Variants in ARID5B observed in about 807,000 individuals in gnomAD.
ARID5B encodes AT-rich interactive domain-containing protein 5B.
In ARID5B, 13 loss-of-function variants were observed where a neutral mutation model predicts 97.2. The observed-to-expected ratio is 0.13, with a 90% confidence interval of 0.09 to 0.21. The LOEUF is 0.21. ARID5B is among the 10% of genes least tolerant of loss of function. The pLI, the probability that ARID5B is intolerant of heterozygous loss-of-function variation, is 1.00. For synonymous variants in ARID5B, 556 were observed against 570.3 expected, an observed-to-expected ratio of 0.97 and a Z score of 0.36; for missense variants, 1,210 against 1,465.3, an observed-to-expected ratio of 0.83 and a Z score of 2.84.
intron 2 of ARID5B, among the ~76,000 whole-genome samples, chr10:61,926,800 A>G (rs557412030): frequency 6.6e-6 from 1 of 151,800 alleles, no homozygotes; most frequent in Non-Finnish European, 1.5e-5. Flanking sequence ...TGTATTTTGT[A>G]TTTTTAATAG....
intron 3 of ARID5B, among the ~76,000 whole-genome samples, chr10:61,995,056 G>T (rs780057865): frequency 3.3e-5 from 5 of 152,126 alleles, no homozygotes; most frequent in Non-Finnish European, 7.3e-5. Flanking sequence ...ATCATTTTCT[G>T]TTGACTGAAG....
At chr10:61,948,073 G>A (rs1838264945) in intron 3 of ARID5B, among the ~76,000 whole-genome samples, 1 of 152,198 alleles carries the variant, frequency 6.6e-6, no homozygotes, top group South Asian at 2.1e-4. Flanking sequence ...TCCATTTGGA[G>A]ATGTCAGGGC....
In ARID5B at chr10:62,036,714, G is replaced by A. The variant is rs144855646; in HGVS notation, c.734-14174G>A. 4.1e-3 allele frequency among the ~76,000 whole-genome samples: 622 copies of A among 152,264 alleles called. 5 individuals are homozygous for A. The highest frequency in any genetic ancestry group is 0.014 in the African/African-American group (598 of 41,546). The stretch of plus-strand genomic sequence containing the variant: ...CTCACCCTGCAGAGACCCAAATGGA[G>A]GTATTCAGGGCCCATTGAAAAACCA... On this transcript the variant is annotated intron_variant, in intron 4 of 9. Transcript: ENST00000279873.
chr10:62,066,493 G>C (rs561547159), intron 7 of ARID5B, among the ~76,000 whole-genome samples: 7 of 151,880 alleles, frequency 4.6e-5, no homozygotes, highest in Non-Finnish European at 1.5e-5. Flanking sequence ...CGAAGGGCCA[G>C]ACCTGTCTTC....
chr10:62,008,642 G>T (rs1039568818), intron 4 of ARID5B, among the ~76,000 whole-genome samples: 1 of 152,186 alleles, frequency 6.6e-6, no homozygotes, highest in Non-Finnish European at 1.5e-5. Context: ...CCTTGCCTCA[G>T]CCCTTGCTGT....
At chr10:62,010,170 A>G (rs953714042) in intron 4 of ARID5B, among the ~76,000 whole-genome samples, 1 of 152,204 alleles carries the variant, frequency 6.6e-6, no homozygotes, top group African/African-American at 2.4e-5. Context: ...CCTTGGGCCT[A>G]TGAGAAAGAA....
intron 4 of ARID5B, among the ~76,000 whole-genome samples, chr10:62,001,814 CTGTT>C (rs1052323267): frequency 6.6e-6 from 1 of 152,164 alleles, no homozygotes; most frequent in African/African-American, 2.4e-5. Context: ...GAGGGCAACA[CTGTT>C]TGTATTTATT....
chr10:62,071,030 C>CTTTTTTT (rs565983973), intron 8 of ARID5B, among the ~76,000 whole-genome samples: 1 of 71,164 alleles, frequency 1.4e-5, no homozygotes, highest in Non-Finnish European at 2.7e-5. Flanking sequence ...TCATTCAGAA[C>CTTTTTTT]TTTTTTTTTT....
chr10:61,968,351 C>T (rs1250582361), intron 3 of ARID5B, among the ~76,000 whole-genome samples: 3 of 151,818 alleles, frequency 2.0e-5, no homozygotes, highest in Non-Finnish European at 4.4e-5. Flanking sequence ...TACAAACCTA[C>T]AGTTTAGAAA....
At chr10:62,050,747 G>A (rs2132930993) in intron 4 of ARID5B, 141 bp from the exon 5 acceptor site, 1 of 674,622 alleles carries the variant, frequency 1.5e-6, no homozygotes, top group South Asian at 1.9e-5. Context: ...AGAGAAGCAT[G>A]TAATAATGAG....
chr10:61,911,082 T>C (rs939873543), intron 2 of ARID5B, among the ~76,000 whole-genome samples: 2 of 152,178 alleles, frequency 1.3e-5, no homozygotes, highest in African/African-American at 4.8e-5. Context: ...TTCCACCCCA[T>C]AGTTGAGTTC....
rs10689655 is a variant in ARID5B, at chr10:62,000,831, T to TGATAGATA, written c.733+546_733+553dup. Among the ~76,000 whole-genome samples the TGATAGATA allele has an allele frequency of 0.077, 11,478 of 148,542 alleles. 455 individuals are homozygous for TGATAGATA. The highest frequency in any genetic ancestry group is 0.12 in the Middle Eastern group (34 of 288). On this transcript the variant is annotated intron_variant, in intron 4 of 9. Coordinates refer to ENST00000279873, the MANE Select transcript of ARID5B (RefSeq NM_032199.3). This position sits in a 1 kb window ranked among gnomAD's most constrained non-coding sequence, Gnocchi z 4.4. ...TACAGTAGATAGACACGTAGAGAGA[T>TGATAGATA]GATAGATAGATAGATAGATAGATAG... is the stretch of plus-strand genomic sequence containing the variant.
chr10:62,078,205 G>A (rs1840163421), intron 8 of ARID5B, among the ~76,000 whole-genome samples: 1 of 152,174 alleles, frequency 6.6e-6, no homozygotes, highest in African/African-American at 2.4e-5. Flanking sequence ...ACACTGCCAT[G>A]TTGGCTGGGC....
At chr10:61,972,480 C>T (rs1230039056) in intron 3 of ARID5B, among the ~76,000 whole-genome samples, 3 of 152,038 alleles carry the variant, frequency 2.0e-5, no homozygotes, top group Non-Finnish European at 2.9e-5. Context: ...CCACCTGCCT[C>T]GGCCTCCCAA....
At chr10:62,082,668 C>T (rs1362487011) in intron 8 of ARID5B, among the ~76,000 whole-genome samples, 1 of 152,172 alleles carries the variant, frequency 6.6e-6, no homozygotes. Flanking sequence ...TAAGGCTAAC[C>T]TGTTTTTAAT....
chr10:61,946,147 G>A (rs1486721324), intron 3 of ARID5B, among the ~76,000 whole-genome samples: 1 of 151,112 alleles, frequency 6.6e-6, no homozygotes, highest in Non-Finnish European at 1.5e-5. Flanking sequence ...GCCATAAGTG[G>A]CCAGTTGTAT....
At chr10:62,044,164 G>A (rs2132921934) in intron 4 of ARID5B, among the ~76,000 whole-genome samples, 1 of 152,208 alleles carries the variant, frequency 6.6e-6, no homozygotes. Flanking sequence ...GGTTCAAGCA[G>A]TGTAGGGGTA....
rs781602084 is a variant in ARID5B, at chr10:62,092,757, G to T, written c.3294G>T (p.Gly1098=). The T allele has an allele frequency of 6.2e-7, 1 of 1,614,018 alleles. No homozygotes were observed. Among genetic ancestry groups the T allele is most frequent in the Non-Finnish European group, 8.5e-7 (1 of 1,180,026 alleles). The change falls in exon 10 of 10, where the codon GGG becomes GGT. Residue 1098 remains glycine, a synonymous_variant. Coordinates refer to ENST00000279873, the MANE Select transcript of ARID5B (RefSeq NM_032199.3). ...GCCTCAACTCCAGGCTCCCGGCTGG[G>T]TATTCTCATTCTCTGCAGTACTTGA... ...NSGLNSRLPA[G]YSHSLQYLKN...
Position 61,959,668 on chromosome 10 carries a change from T to C in ARID5B, c.502+19260T>C, listed in dbSNP as rs535635319. On this transcript the variant is annotated intron_variant, in intron 3 of 9. Transcript: ENST00000279873. Reference sequence around the variant, plus strand: ...TGATTCTGAAAGGTATTGATGATGATTTTAAAGGTTATGATATACCCTTTT... The same window carrying C: ...TGATTCTGAAAGGTATTGATGATGACTTTAAAGGTTATGATATACCCTTTT... Among the ~76,000 whole-genome samples the C allele has an allele frequency of 5.1e-4, 78 of 152,324 alleles. 1 individual carries two copies. The highest frequency in any genetic ancestry group is 1.7e-3 in the African/African-American group (70 of 41,582).
Sources: allele counts gnomAD v4.1 joint callset (sites outside exome capture counted in the v4.1 genomes callset), GRCh38; gene constraint gnomAD v4.1.1; non-coding constraint Gnocchi (gnomAD v3.1); transcripts MANE v1.5; gene names NCBI Gene and HGNC (gene_info 2026-07-23, HGNC 2026-07-21).